Variants in SYNE2 observed in about 807,000 individuals in gnomAD.
SYNE2 encodes nesprin-2.
In SYNE2, 431 loss-of-function variants were observed where a neutral mutation model predicts 856.3. The ratio of observed to expected loss-of-function variants is 0.50; its 90% CI spans 0.47 to 0.55. The LOEUF is 0.55. SYNE2 is among the 20% of genes least tolerant of loss of function. The probability of loss-of-function intolerance (pLI) is 0.00; values close to 1 mark genes in which losing one functional copy is unlikely to be tolerated. For synonymous variants in SYNE2, 2,923 were observed against 2,872.3 expected (o/e 1.02, Z -0.56); for missense variants, 8,129 against 8,023.2 (o/e 1.01, Z -0.50).
chr14:64,134,450 G>T (rs1351130635), intron 78 of SYNE2, among the ~76,000 whole-genome samples: 2 of 152,120 alleles, frequency 1.3e-5, no homozygotes, highest in African/African-American at 4.8e-5. Context: ...CTGTGACCTT[G>T]CTGTCCCTAA....
intron 11 of SYNE2, among the ~76,000 whole-genome samples, chr14:63,970,971 G>A (rs1349421276): frequency 1.3e-5 from 2 of 151,260 alleles, no homozygotes; most frequent in African/African-American, 4.9e-5. Context: ...TCCCTTTTTT[G>A]CCTGGTTTTG....
chr14:64,211,894 C>G, intron 103 of SYNE2, 67 bp from the exon 104 acceptor site: 1 of 1,611,122 alleles, frequency 6.2e-7, no homozygotes, highest in African/African-American at 1.3e-5. Context: ...CCGAAGGTGG[C>G]CTTGCTGTCT....
intron 1 of SYNE2, among the ~76,000 whole-genome samples, chr14:63,827,625 C>CAAAAAAAA (rs11334415): frequency 9.2e-4 from 26 of 28,388 alleles, no homozygotes; most frequent in Admixed American, 1.7e-3. Flanking sequence ...AACTCTGTCT[C>CAAAAAAAA]AAAAAAAAAA....
chr14:63,877,177 A>T (rs1300746555), intron 1 of SYNE2, among the ~76,000 whole-genome samples: 1 of 152,212 alleles, frequency 6.6e-6, no homozygotes, highest in Non-Finnish European at 1.5e-5. Context: ...AGCCCTATAA[A>T]TAGATTATGG....
chr14:64,091,439 A>G (rs1248905864), intron 60 of SYNE2, among the ~76,000 whole-genome samples: 1 of 152,208 alleles, frequency 6.6e-6, no homozygotes, highest in Non-Finnish European at 1.5e-5. Flanking sequence ...AACGTGATGT[A>G]GGTAGAGTAG....
chr14:63,986,452 G>A lies in SYNE2; in HGVS notation c.2152-4G>A, dbSNP rs534897971. On this transcript the variant is annotated splice_region_variant and splice_polypyrimidine_tract_variant and intron_variant, in intron 18 of 115. Coordinates refer to ENST00000555002, the MANE Select transcript of SYNE2 (RefSeq NM_182914.3). ...TTTCTCAGTGGTACTTTTGAATGTT[G>A]TAGGCTGGAGAGAAACATGAAAAAG... 6 of 1,613,948 alleles carry A rather than the reference G, an allele frequency of 3.7e-6. No individual in the cohort carries two copies. Among genetic ancestry groups the A allele is most frequent in the Non-Finnish European group, 4.2e-6 (5 of 1,179,916 alleles).
chr14:63,905,308 A>G (rs1000600519), intron 1 of SYNE2, among the ~76,000 whole-genome samples: 1 of 151,906 alleles, frequency 6.6e-6, no homozygotes, highest in Non-Finnish European at 1.5e-5. Flanking sequence ...TTTTGGTTTT[A>G]TATGAATTTT....
chr14:64,004,423 C>A (rs1298176388), intron 30 of SYNE2, among the ~76,000 whole-genome samples: 1 of 151,486 alleles, frequency 6.6e-6, no homozygotes, highest in Non-Finnish European at 1.5e-5. Flanking sequence ...CTCTGCCTCC[C>A]AGGTTTAGGC....
chr14:63,888,170 G>A (rs373643275), intron 1 of SYNE2, among the ~76,000 whole-genome samples: 7 of 152,188 alleles, frequency 4.6e-5, no homozygotes, highest in Non-Finnish European at 7.3e-5. Flanking sequence ...TGTTCAGTAC[G>A]TTCTGTACAA....
rs559993341 is a variant in SYNE2 at position 64,145,502 on chromosome 14, C to G, written c.15484-566C>G. On this transcript the variant is annotated intron_variant, in intron 83 of 115. Coordinates refer to ENST00000555002, the MANE Select transcript of SYNE2 (RefSeq NM_182914.3). ...CAGCCTGGGTGACAGAGCGAGACTC[C>G]GTCTCAAAAAAAAAAAAAAAAAAAT... Among the ~76,000 whole-genome samples, 4 of 115,596 alleles carry G rather than the reference C, an allele frequency of 3.5e-5. No homozygotes were observed. The East Asian group carries it at 1.1e-3, about 31-fold the overall frequency. The allele number at this position is 115,596 out of a possible 152,430, so 75.8% of individuals were successfully genotyped here. A position where few individuals can be genotyped will look rare whatever the true frequency, so the allele number is the denominator to read the frequency against.
At chr14:63,970,324 G>A (rs2096457612) in intron 11 of SYNE2, among the ~76,000 whole-genome samples, 1 of 152,124 alleles carries the variant, frequency 6.6e-6, no homozygotes, top group African/African-American at 2.4e-5. Context: ...AAGTAGCTGA[G>A]ACAACTGGTG....
chr14:63,786,397 G>A (rs1887529605), intron 1 of SYNE2, among the ~76,000 whole-genome samples: 1 of 152,184 alleles, frequency 6.6e-6, no homozygotes, highest in South Asian at 2.1e-4. Context: ...GATAGAGCGA[G>A]ATTGTCTCAA....
Position 64,052,426 on chromosome 14 carries a change from A to G in SYNE2, c.8513A>G (p.Asn2838Ser), listed in dbSNP as rs777205885. ...QLEFKLEERS[N>S]FFAIIRKFQL... ...GAATTTAAGTTGGAAGAAAGAAGCA[A>G]TTTTTTTGCTATAATAAGGAAGTTT... Residue 2838 changes from asparagine (N) to serine (S), a missense_variant, in exon 48 of 116, where the codon AAT (asparagine) becomes AGT (serine). By Grantham distance (46) the Asn-to-Ser change is conservative (BLOSUM62 1). Around this residue, in one of 3 missense-constraint regions of SYNE2, gnomAD observed 5,410 missense variants for 5,284.8 expected, o/e 1.02. Coordinates refer to ENST00000555002, the MANE Select transcript of SYNE2 (RefSeq NM_182914.3). 2.5e-6 allele frequency: 4 copies of G among 1,612,918 alleles called. No individual in the cohort carries two copies. The African/African-American group carries it at 4.0e-5, about 16-fold the overall frequency.
chr14:64,222,318 A>ATC (rs2098698261), intron 112 of SYNE2, among the ~76,000 whole-genome samples: 1 of 152,278 alleles, frequency 6.6e-6, no homozygotes, highest in Non-Finnish European at 1.5e-5. Flanking sequence ...CTGAAGTGAT[A>ATC]GAGATGACCT....
intron 1 of SYNE2, among the ~76,000 whole-genome samples, chr14:63,806,625 G>A (rs1013241273): frequency 6.6e-6 from 1 of 152,098 alleles, no homozygotes; most frequent in African/African-American, 2.4e-5. Context: ...ATGTTTCAAG[G>A]AATGCATCCA....
chr14:64,185,441 C>A (rs2098483813), intron 96 of SYNE2, among the ~76,000 whole-genome samples: 1 of 150,160 alleles, frequency 6.7e-6, no homozygotes, highest in Non-Finnish European at 1.5e-5. Context: ...GAAAGTAAAT[C>A]TCTTGAGTAA....
intron 1 of SYNE2, among the ~76,000 whole-genome samples, chr14:63,866,991 G>A (rs1895525767): frequency 6.6e-6 from 1 of 152,190 alleles, no homozygotes; most frequent in Admixed American, 6.5e-5. Flanking sequence ...TATTTATTTA[G>A]TACTCAATTG....
intron 11 of SYNE2, among the ~76,000 whole-genome samples, chr14:63,968,334 A>G (rs1566934387): frequency 6.6e-6 from 1 of 152,172 alleles, no homozygotes; most frequent in Non-Finnish European, 1.5e-5. Context: ...TCTTTTAAGT[A>G]GGGATTTTTT....
rs377056334 is a variant in SYNE2 at position 64,223,433 on chromosome 14, A to G, written c.20382+53A>G. ...AAAGATTGCCGTATTACATGCAGAC[A>G]GGACAGCAGTGTTGTAGCAATGCTC... On this transcript the variant is annotated intron_variant, in intron 113 of 115. Transcript: ENST00000555002. The G allele has an allele frequency of 1.4e-4, 220 of 1,597,640 alleles. 4 individuals are homozygous for G. The East Asian group carries it at 1.9e-3, about 14-fold the overall frequency.
Sources: allele counts gnomAD v4.1 joint callset (sites outside exome capture counted in the v4.1 genomes callset), GRCh38; gene constraint gnomAD v4.1.1; regional missense constraint gnomAD v4.1.1; transcripts MANE v1.5; gene names NCBI Gene and HGNC (gene_info 2026-07-23, HGNC 2026-07-21).